The following ZNF232 variants were observed in gnomAD, a reference collection of about 807,000 sequenced individuals.
ZNF232 encodes the protein zinc finger and SCAN domain-containing protein 11.
Under a neutral mutation model 25.2 loss-of-function variants are expected in ZNF232, and 25 were observed. The observed-to-expected ratio is 0.99, with a 90% CI of 0.72 to 1.39. The LOEUF (loss-of-function observed/expected upper bound fraction) is 1.39. Ranked by LOEUF, ZNF232 falls within the 40% of genes most tolerant of loss-of-function variation. ZNF232 has a pLI of 0.00. For synonymous variants in ZNF232, 193 were observed against 182.9 expected (o/e 1.06, Z -0.45); for missense variants, 519 against 520.9 (o/e 1.00, Z 0.04).
chr17:5,106,158 C>T (rs1220138263), exon 4 of ZNF232: 1 of 1,614,070 alleles, frequency 6.2e-7, no homozygotes, highest in East Asian at 2.2e-5. Context: ...CCCACAGTCA[C>T]TACACTTATA....
chr17:5,108,793 A>C (rs1228377642), intron 3 of ZNF232, 133 bp downstream of exon 3: 1 of 1,400,866 alleles, frequency 7.1e-7, no homozygotes, highest in Non-Finnish European at 9.7e-7. Flanking sequence ...CACCTAAGAG[A>C]TAAGAATAGT....
intron 1 of ZNF232, among the ~76,000 whole-genome samples, chr17:5,119,741 A>G (rs1487195068): frequency 6.6e-6 from 1 of 152,232 alleles, no homozygotes; most frequent in Non-Finnish European, 1.5e-5. Flanking sequence ...AGTGATAGTC[A>G]TTAAAACAAG....
chr17:5,111,663 G>A (rs1437744844), intron 1 of ZNF232, 137 bp downstream of exon 1: 1 of 1,369,794 alleles, frequency 7.3e-7, no homozygotes, highest in African/African-American at 1.5e-5. Context: ...GGGCACCACG[G>A]GCAACCCAAA....
chr17:5,108,303 G>C (rs78425850), intron 3 of ZNF232, among the ~76,000 whole-genome samples: 329 of 152,262 alleles, frequency 2.2e-3, no homozygotes, highest in Non-Finnish European at 3.6e-3. Flanking sequence ...TCTAGTGTTC[G>C]CCGCTGGGAG....
chr17:5,116,863 C>G (rs989421431), intron 1 of ZNF232: 1 of 152,144 alleles, frequency 6.6e-6, no homozygotes, highest in African/African-American at 2.4e-5. Context: ...ATCACGGTAC[C>G]CAACACATAG....
intron 1 of ZNF232, chr17:5,111,456 C>T (rs918999438): frequency 1.7e-5 from 7 of 411,250 alleles, no homozygotes; most frequent in Non-Finnish European, 2.6e-5. Flanking sequence ...TGATGCCCGG[C>T]GCCGCTGGCC....
rs1392355194 is a variant in ZNF232, at chr17:5,106,685, G to A, written c.626-179C>T. The A allele has an allele frequency of 3.2e-5, 19 of 590,626 alleles. No individual in the cohort carries two copies. In the East Asian group the frequency reaches 6.0e-4, roughly 19 times the overall value. The allele number at this position is 590,626 out of a possible 1,614,324, so 36.6% of individuals were successfully genotyped here. A position where few individuals can be genotyped will look rare whatever the true frequency, so the allele number is the denominator to read the frequency against. ...CTCTTGGTGATGGGACTATACAGAG[G>A]AGAGGGTTTCTTCTTTTTAATTTCT... On this transcript the variant is annotated intron_variant, in intron 3 of 3. Transcript: ENST00000575898.
intron 1 of ZNF232, among the ~76,000 whole-genome samples, chr17:5,118,748 G>A (rs1051890241): frequency 1.3e-5 from 2 of 152,204 alleles, no homozygotes; most frequent in African/African-American, 4.8e-5. Flanking sequence ...GTGGCTCTCA[G>A]CGGAGAGGGG....
At chr17:5,111,815 G>A (rs2072420876) in exon 1 of ZNF232, 5 of 1,613,858 alleles carry the variant, frequency 3.1e-6, no homozygotes, top group Admixed American at 1.7e-5. Context: ...AGGACCAGGA[G>A]GTTCCATCGG....
intron 1 of ZNF232, among the ~76,000 whole-genome samples, chr17:5,118,560 C>G (rs2072583029): frequency 6.6e-6 from 1 of 152,246 alleles, no homozygotes; most frequent in Non-Finnish European, 1.5e-5. Flanking sequence ...CAGCTGGCCC[C>G]TAGCCCCATT....
At chr17:5,108,460 T>C (rs1164532064) in intron 3 of ZNF232, among the ~76,000 whole-genome samples, 1 of 151,874 alleles carries the variant, frequency 6.6e-6, no homozygotes, top group Non-Finnish European at 1.5e-5. Context: ...GATGACAGGC[T>C]GTATCTCACA....
At chr17:5,114,952 G>T (rs1475566379), upstream of ZNF232, 1 of 152,234 alleles carries the variant, frequency 6.6e-6, no homozygotes, top group Middle Eastern at 3.2e-3. Flanking sequence ...GTTGGGCCCT[G>T]GTCACAGCCT....
exon 1 of ZNF232, chr17:5,111,826 G>A (rs754881726): frequency 1.9e-6 from 3 of 1,613,856 alleles, no homozygotes; most frequent in South Asian, 2.2e-5. Context: ...GTTCCATCGG[G>A]GCGCTGCCGC....
At chr17:5,106,630 G>A (rs1292190259) in intron 3 of ZNF232, 97 bp from the exon 4 acceptor site, 4 of 1,052,316 alleles carry the variant, frequency 3.8e-6, no homozygotes, top group African/African-American at 3.2e-5. Flanking sequence ...AACATTCGAA[G>A]AATATTTACT....
chr17:5,114,086 G>C (rs2072475550), upstream of ZNF232: 1 of 151,952 alleles, frequency 6.6e-6, no homozygotes, highest in Non-Finnish European at 1.5e-5. Context: ...CAAATAGTTA[G>C]GACAAAAACA....
chr17:5,106,455 G>A lies in ZNF232; in HGVS notation c.677C>T (p.Pro226Leu), dbSNP rs1182590906. 3 of 1,614,104 alleles carry A rather than the reference G, an allele frequency of 1.9e-6. No individual in the cohort carries two copies. The highest frequency in any genetic ancestry group is 2.5e-6 in the Non-Finnish European group (3 of 1,180,044). The change falls in exon 4 of 4, where the codon CCA becomes CTA. Residue 226 changes from proline (P) to leucine (L), a missense_variant. Transcript: ENST00000575898. ...CTGTGATTCCACTTCAGTAATGGGTGGTTGTGGCAATGATCCTTTGTCCTT... is the reference window on the plus strand; with the variant it reads ...CTGTGATTCCACTTCAGTAATGGGTAGTTGTGGCAATGATCCTTTGTCCTT...
intron 3 of ZNF232, among the ~76,000 whole-genome samples, chr17:5,108,306 G>A (rs1465744908): frequency 1.3e-5 from 2 of 152,142 alleles, no homozygotes; most frequent in African/African-American, 4.8e-5. Flanking sequence ...AGTGTTCGCC[G>A]CTGGGAGAGA....
intron 1 of ZNF232, chr17:5,120,820 C>A: frequency 2.2e-6 from 1 of 452,968 alleles, no homozygotes; most frequent in Admixed American, 2.4e-5. Flanking sequence ...GGTGTGCACA[C>A]ATGTGGGCAC....
At chr17:5,115,555 A>AACACACACACACACACACACAC (rs61171102), upstream of ZNF232, among the ~76,000 whole-genome samples, 1,449 of 148,742 alleles carry the variant, frequency 9.7e-3, 44 homozygotes, top group East Asian at 0.1. Flanking sequence ...CGTCTCCAAA[A>AACACACACACACACACACACAC]ACACACACAC....
Sources: allele counts gnomAD v4.1 joint callset (sites outside exome capture counted in the v4.1 genomes callset), GRCh38; gene constraint gnomAD v4.1.1; transcripts MANE v1.5; gene names NCBI Gene and HGNC (gene_info 2026-07-23, HGNC 2026-07-21).